The following LYPD6 variants were observed in gnomAD, a reference collection of about 807,000 sequenced individuals.
LYPD6 encodes LY6/PLAUR domain containing 6.
A neutral mutation model predicts 22.7 loss-of-function variants in LYPD6; 15 were observed. That is an observed-to-expected ratio of 0.66 (90% CI 0.44 to 1.02). The LOEUF (loss-of-function observed/expected upper bound fraction) is 1.02. Among genes scored for constraint, LYPD6 ranks in the 50% least tolerant of loss-of-function variants. The pLI, the probability that LYPD6 is intolerant of heterozygous loss-of-function variation, is 0.00. For synonymous variants in LYPD6, 72 were observed against 77.5 expected, an observed-to-expected ratio of 0.93 and a Z score of 0.37; for missense variants, 189 against 208.4, an observed-to-expected ratio of 0.91 and a Z score of 0.57.
chr2:149,356,532 T>G (rs1681453090), intron 1 of LYPD6, among the ~76,000 whole-genome samples: 1 of 152,212 alleles, frequency 6.6e-6, no homozygotes, highest in Non-Finnish European at 1.5e-5. Flanking sequence ...TGAGTGCCAT[T>G]TCTTTTAATG....
At chr2:149,377,136 C>A (rs1681938807) in intron 1 of LYPD6, among the ~76,000 whole-genome samples, 2 of 152,004 alleles carry the variant, frequency 1.3e-5, no homozygotes, top group African/African-American at 4.8e-5. Flanking sequence ...TGTCTAACAA[C>A]AAATGACTTT....
intron 1 of LYPD6, among the ~76,000 whole-genome samples, chr2:149,385,888 G>T (rs1213542376): frequency 6.6e-6 from 1 of 152,112 alleles, no homozygotes; most frequent in African/African-American, 2.4e-5. Flanking sequence ...AGTGGAGTGG[G>T]GTTGGGACTC....
chr2:149,407,450 C>G (rs1256465989), intron 1 of LYPD6, among the ~76,000 whole-genome samples: 1 of 152,074 alleles, frequency 6.6e-6, no homozygotes, highest in Non-Finnish European at 1.5e-5. Flanking sequence ...TCTTTTTTCT[C>G]TAAACTTCCC....
At chr2:149,480,636 C>A in the LYPD6 span, among the ~76,000 whole-genome samples, 1 of 152,102 alleles carries the variant, frequency 6.6e-6, no homozygotes, top group Non-Finnish European at 1.5e-5. Flanking sequence ...TTCCATGGGG[C>A]CAGGACCATT....
At position 149,345,306 on chromosome 2, in the gene LYPD6, A is replaced by ATTTTT. The variant is rs3073147; in HGVS notation, c.-72+14598_-72+14602dup. On this transcript the variant is annotated intron_variant, in intron 1 of 4. Transcript: ENST00000334166. ...TGTCTATGGTCCACCCTTAATTTAA[A>ATTTTT]TTTTTTTTTTTTTTTTTTGAGACGG... Among the ~76,000 whole-genome samples, 55 of 127,324 alleles carry ATTTTT rather than the reference A, an allele frequency of 4.3e-4. 1 individual carries two copies. The highest frequency in any genetic ancestry group is 1.6e-3 in the African/African-American group (51 of 32,172). The allele number at this position is 127,324 out of a possible 152,430, so 83.5% of individuals were successfully genotyped here. A position where few individuals can be genotyped will look rare whatever the true frequency, so the allele number is the denominator to read the frequency against.
intron 1 of LYPD6, among the ~76,000 whole-genome samples, chr2:149,397,495 A>T (rs569598669): frequency 6.6e-6 from 1 of 152,114 alleles, no homozygotes; most frequent in Non-Finnish European, 1.5e-5. Context: ...GGAAGAATAC[A>T]CTCTACCTTG....
At chr2:149,387,144 C>G (rs1460692580) in intron 1 of LYPD6, among the ~76,000 whole-genome samples, 1 of 152,166 alleles carries the variant, frequency 6.6e-6, no homozygotes, top group African/African-American at 2.4e-5. Context: ...CAGCCTCTTC[C>G]TTAGTTTGAG....
intron 1 of LYPD6, among the ~76,000 whole-genome samples, chr2:149,353,110 G>C (rs1186126334): frequency 6.6e-6 from 1 of 152,140 alleles, no homozygotes; most frequent in African/African-American, 2.4e-5. Flanking sequence ...AACACTTCTT[G>C]GCCTGCTCTT....
downstream of LYPD6, among the ~76,000 whole-genome samples, chr2:149,476,998 G>T (rs7586387): frequency 0.012 from 1,794 of 152,300 alleles, 41 homozygotes; most frequent in African/African-American, 0.041. Flanking sequence ...ACTGAGGTGC[G>T]TTGGGTGGAA....
intron 1 of LYPD6, among the ~76,000 whole-genome samples, chr2:149,342,843 T>G (rs1362473): frequency 0.6 from 90,669 of 151,424 alleles, 27,435 homozygotes; most frequent in East Asian, 0.9. Flanking sequence ...ATGACTCAGG[T>G]TTGAACTCCT....
At chr2:149,479,336 C>G in the LYPD6 span, among the ~76,000 whole-genome samples, 88 of 152,282 alleles carry the variant, frequency 5.8e-4, no homozygotes, top group African/African-American at 2.0e-3. Context: ...GTGATTCTTC[C>G]ATGCCTGTTA....
At chr2:149,423,217 G>C (rs1329951899) in intron 1 of LYPD6, among the ~76,000 whole-genome samples, 1 of 152,172 alleles carries the variant, frequency 6.6e-6, no homozygotes, top group African/African-American at 2.4e-5. Context: ...CATCAGCACT[G>C]TGGGGGCAGC....
intron 1 of LYPD6, among the ~76,000 whole-genome samples, chr2:149,408,370 T>C (rs1018633861): frequency 6.6e-6 from 1 of 152,234 alleles, no homozygotes; most frequent in Non-Finnish European, 1.5e-5. Flanking sequence ...TTAGGTAAGC[T>C]GAGGACTATG....
intron 1 of LYPD6, among the ~76,000 whole-genome samples, chr2:149,340,251 A>G (rs936544402): frequency 6.6e-5 from 10 of 152,184 alleles, no homozygotes; most frequent in South Asian, 2.1e-4. Flanking sequence ...GCCTTGTAGT[A>G]TAACATATTA....
chr2:149,377,549 G>A (rs1009338817), intron 1 of LYPD6, among the ~76,000 whole-genome samples: 1 of 152,178 alleles, frequency 6.6e-6, no homozygotes, highest in South Asian at 2.1e-4. Context: ...GGAGGCCAAG[G>A]TGGGTGAATC....
At chr2:149,361,801 A>G (rs1422442693) in intron 1 of LYPD6, among the ~76,000 whole-genome samples, 2 of 152,184 alleles carry the variant, frequency 1.3e-5, no homozygotes, top group Non-Finnish European at 2.9e-5. Context: ...GTTACCTTAC[A>G]TGGTAAAAGG....
At chr2:149,444,517 T>A (rs187492329) in intron 2 of LYPD6, among the ~76,000 whole-genome samples, 1 of 152,352 alleles carries the variant, frequency 6.6e-6, no homozygotes, top group African/African-American at 2.4e-5. Flanking sequence ...GCAGAACTTC[T>A]TTCAAACTTG....
At chr2:149,410,688 G>A (rs1179359795) in intron 1 of LYPD6, among the ~76,000 whole-genome samples, 1 of 152,156 alleles carries the variant, frequency 6.6e-6, no homozygotes, top group African/African-American at 2.4e-5. Context: ...TATTTTGGAT[G>A]CTGGCAGGAA....
chr2:149,459,927 A>G (rs1474601588), intron 3 of LYPD6, among the ~76,000 whole-genome samples: 4 of 152,016 alleles, frequency 2.6e-5, no homozygotes, highest in Non-Finnish European at 4.4e-5. Context: ...ATTATTACAA[A>G]CAAGTGAAGG....
Sources: allele counts gnomAD v4.1 joint callset (sites outside exome capture counted in the v4.1 genomes callset), GRCh38; gene constraint gnomAD v4.1.1; transcripts MANE v1.5; gene names NCBI Gene and HGNC (gene_info 2026-07-23, HGNC 2026-07-21).